The following RYK variants were observed in gnomAD, a reference collection of about 807,000 sequenced individuals.
RYK encodes receptor like tyrosine kinase.
RYK carries 21 observed loss-of-function variants against 70.2 expected under a neutral mutation model. That is an observed-to-expected ratio of 0.30 (90% CI 0.21 to 0.43). The LOEUF is 0.43. Among genes scored for constraint, RYK ranks in the 20% least tolerant of loss-of-function variants. The pLI is 1.00. For missense variants in RYK, 604 were observed against 753.3 expected (o/e 0.80, Z 2.32); for synonymous variants, 267 against 278.0 (o/e 0.96, Z 0.39).
chr3:134,204,595 A>AG lies in RYK; in HGVS notation c.644-1722_644-1721insC, dbSNP rs1553771723. Reference sequence around the variant, plus strand: ...AACCCAATGACACAGCCACAGCCACACACACACACACACACACACACACAC... The same window carrying AG: ...AACCCAATGACACAGCCACAGCCACAGCACACACACACACACACACACACAC... On this transcript the variant is annotated intron_variant, in intron 5 of 14. Transcript: ENST00000623711. Among the ~76,000 whole-genome samples the AG allele has an allele frequency of 2.0e-4, 19 of 96,696 alleles. No homozygotes were observed. The East Asian group carries it at 4.5e-3, about 23-fold the overall frequency. The allele number at this position is 96,696 out of a possible 152,430, so 63.4% of individuals were successfully genotyped here.
intron 1 of RYK, 119 bp from the exon 2 acceptor site, chr3:134,222,658 A>C: frequency 1.1e-6 from 1 of 882,210 alleles, no homozygotes. Context: ...AACATCACAA[A>C]TGGCCCTAAC....
intron 1 of RYK, among the ~76,000 whole-genome samples, chr3:134,245,548 G>T (rs982100422): frequency 3.9e-5 from 6 of 152,120 alleles, no homozygotes; most frequent in African/African-American, 1.4e-4. Context: ...GCCAAAGGCT[G>T]ATGTGAGGCT....
chr3:134,216,035 C>CAAAAAAA (rs11425839), intron 2 of RYK, among the ~76,000 whole-genome samples: 1 of 130,700 alleles, frequency 7.7e-6, no homozygotes, highest in African/African-American at 2.9e-5. Context: ...GACTCAGTCT[C>CAAAAAAA]AAAAAAAAAA....
chr3:134,166,903 T>C (rs1440490331), intron 13 of RYK, among the ~76,000 whole-genome samples: 1 of 152,170 alleles, frequency 6.6e-6, no homozygotes, highest in Non-Finnish European at 1.5e-5. Flanking sequence ...AATAAAACAA[T>C]ACCATTAAAT....
At chr3:134,207,897 C>T (rs972190981) in intron 4 of RYK, among the ~76,000 whole-genome samples, 3 of 152,182 alleles carry the variant, frequency 2.0e-5, no homozygotes, top group African/African-American at 7.2e-5. Context: ...ATAAAAGAAA[C>T]TTTTCTTGCT....
intron 1 of RYK, among the ~76,000 whole-genome samples, chr3:134,231,024 ACT>A (rs1320851121): frequency 6.6e-6 from 1 of 151,988 alleles, no homozygotes; most frequent in Non-Finnish European, 1.5e-5. Flanking sequence ...AAAATAAAGA[ACT>A]CTGTTCCTAA....
intron 2 of RYK, among the ~76,000 whole-genome samples, chr3:134,220,141 T>C (rs575367939): frequency 1.6e-4 from 25 of 152,160 alleles, no homozygotes; most frequent in African/African-American, 6.0e-4. Context: ...CAACACAAAC[T>C]GAGGGGCATT....
intron 1 of RYK, among the ~76,000 whole-genome samples, chr3:134,242,725 A>C (rs1200123003): frequency 1.3e-5 from 2 of 152,228 alleles, no homozygotes; most frequent in Non-Finnish European, 2.9e-5. Context: ...GATTTGTCCC[A>C]AAAGTGATTC....
intron 1 of RYK, among the ~76,000 whole-genome samples, chr3:134,222,962 T>G (rs1325316634): frequency 3.3e-5 from 5 of 152,154 alleles, no homozygotes; most frequent in Non-Finnish European, 7.4e-5. Flanking sequence ...GGATAAAACA[T>G]AAGCCTGAGC....
chr3:134,211,652 G>A (rs1409528017), intron 2 of RYK, 45 bp from the exon 3 acceptor site: 2 of 1,297,828 alleles, frequency 1.5e-6, no homozygotes, highest in Non-Finnish European at 2.2e-6. Flanking sequence ...GTGATAACAA[G>A]AAGGATACTA....
At chr3:134,190,616 C>T (rs980451502) in intron 8 of RYK, among the ~76,000 whole-genome samples, 1 of 151,864 alleles carries the variant, frequency 6.6e-6, no homozygotes, top group Non-Finnish European at 1.5e-5. Flanking sequence ...TCCAGTGAAC[C>T]TGACCACCTT....
chr3:134,211,394 C>T, intron 3 of RYK, 114 bp downstream of exon 3: 1 of 599,896 alleles, frequency 1.7e-6, no homozygotes, highest in East Asian at 2.9e-5. Flanking sequence ...AGTACTCATA[C>T]ATCTTATGCC....
chr3:134,235,477 G>T (rs1240235619), intron 1 of RYK, among the ~76,000 whole-genome samples: 1 of 151,456 alleles, frequency 6.6e-6, no homozygotes, highest in Non-Finnish European at 1.5e-5. Flanking sequence ...TGAAATAAAA[G>T]AATTTTAAAC....
chr3:134,175,745 T>C lies in RYK; in HGVS notation c.1439A>G (p.Lys480Arg). The change falls in exon 13 of 15, where the codon AAG becomes AGG. Residue 480 changes from lysine (K) to arginine (R), a missense_variant. Physicochemically the swap from Lys to Arg is conservative, Grantham distance 26 (BLOSUM62 2). Transcript: ENST00000623711. Reference protein sequence around the residue: ...NCVIDDTLQVKITDNALSRDL... With the variant: ...NCVIDDTLQVRITDNALSRDL... The stretch of plus-strand genomic sequence containing the variant: ...TCTGGAGAGGGCATTGTCTGTGATC[T>C]TAACTTGAAGTGTGTCATCAATGCT... 6.2e-7 allele frequency: 1 copy of C among 1,613,954 alleles called. No homozygotes were observed. The highest frequency in any genetic ancestry group is 8.5e-7 in the Non-Finnish European group (1 of 1,179,846).
In RYK at chr3:134,169,865, A is replaced by G. The variant is rs536516034; in HGVS notation, c.1575+5744T>C. Reference sequence around the variant, plus strand: ...TATAGACTCTGGTGGAAGTGTCCAAAAATAGAATATTAAATGTAACTTTTA... The same window carrying G: ...TATAGACTCTGGTGGAAGTGTCCAAGAATAGAATATTAAATGTAACTTTTA... On this transcript the variant is annotated intron_variant, in intron 13 of 14. Coordinates refer to ENST00000623711, the MANE Select transcript of RYK (RefSeq NM_002958.4). Among the ~76,000 whole-genome samples the G allele has an allele frequency of 5.2e-3, 785 of 152,326 alleles. 4 individuals are homozygous for G. The highest frequency in any genetic ancestry group is 0.034 in the South Asian group (162 of 4,822).
intron 11 of RYK, among the ~76,000 whole-genome samples, chr3:134,177,075 CAA>C (rs57489944): frequency 3.3e-5 from 5 of 151,604 alleles, no homozygotes; most frequent in Non-Finnish European, 7.4e-5. Flanking sequence ...AAAAAACAAA[CAA>C]AAAAAAACCA....
At chr3:134,160,356 G>A (rs1341716662) in intron 13 of RYK, among the ~76,000 whole-genome samples, 2 of 151,834 alleles carry the variant, frequency 1.3e-5, no homozygotes, top group Non-Finnish European at 2.9e-5. Context: ...AAAAGAAAAG[G>A]AAAAAAGAGA....
rs186742935 is a variant in RYK, at chr3:134,203,583, A to G, written c.644-709T>C. On this transcript the variant is annotated intron_variant, in intron 5 of 14. Transcript: ENST00000623711. ...TACCAAAGTAGAAAGAAAAAGAAGAATGAAAAGTTTTGGCTTAAGCAATAA... is the reference window on the plus strand; with the variant it reads ...TACCAAAGTAGAAAGAAAAAGAAGAGTGAAAAGTTTTGGCTTAAGCAATAA... 2.2e-3 allele frequency among the ~76,000 whole-genome samples: 335 copies of G among 152,366 alleles called. 2 individuals carry two copies. The highest frequency in any genetic ancestry group is 7.8e-3 in the African/African-American group (326 of 41,600).
At chr3:134,225,689 A>G (rs1182945611) in intron 1 of RYK, among the ~76,000 whole-genome samples, 2 of 152,132 alleles carry the variant, frequency 1.3e-5, no homozygotes, top group African/African-American at 2.4e-5. Context: ...ACCCATCTCT[A>G]TAAAAAACTT....
Sources: gnomAD v4.1 joint callset for allele counts (sites outside exome capture counted in the v4.1 genomes callset) on GRCh38, gnomAD v4.1.1 for gene constraint, MANE v1.5 for transcripts, NCBI Gene and HGNC (gene_info 2026-07-23, HGNC 2026-07-21) for gene names.